The following ZNF316 variants were observed in gnomAD, a reference collection of about 807,000 sequenced individuals.
ZNF316 encodes zinc finger protein 316.
Under a neutral mutation model 75.6 loss-of-function variants are expected in ZNF316, and 23 were observed. The observed-to-expected ratio is 0.30, with a 90% CI of 0.22 to 0.43. The LOEUF is 0.43. Among genes scored for constraint, ZNF316 ranks in the 20% least tolerant of loss-of-function variants. The pLI, the probability that ZNF316 is intolerant of heterozygous loss-of-function variation, is 1.00. For synonymous variants in ZNF316, 827 were observed against 666.2 expected, an observed-to-expected ratio of 1.24 and a Z score of -3.72; for missense variants, 1,266 against 1,409.4, an observed-to-expected ratio of 0.90 and a Z score of 1.63.
Position 6,657,285 on chromosome 7 carries a change from C to T in ZNF316, c.*2674C>T, listed in dbSNP as rs573905728. Among the ~76,000 whole-genome samples, 40 of 144,142 alleles carry T rather than the reference C, an allele frequency of 2.8e-4. No homozygotes were observed. Among genetic ancestry groups the T allele is most frequent in the African/African-American group, 9.6e-4 (37 of 38,408 alleles). 94.6% of individuals were successfully genotyped at this position (144,142 alleles called of 152,430 possible). A position where few individuals can be genotyped will look rare whatever the true frequency, so the allele number is the denominator to read the frequency against. ...CTGGGATTGCAGGTGTGAGTCACCG[C>T]GCCCGGCCAGAGCAACCTAATATTT... is the stretch of plus-strand genomic sequence containing the variant. On this transcript the variant is annotated 3_prime_UTR_variant, in exon 9 of 9. Coordinates refer to ENST00000382252, the MANE Select transcript of ZNF316 (RefSeq NM_001278559.2).
chr7:6,650,840 C>T (rs1779495046), intron 8 of ZNF316, among the ~76,000 whole-genome samples: 1 of 152,196 alleles, frequency 6.6e-6, no homozygotes, highest in African/African-American at 2.4e-5. Context: ...GGTGTCATCC[C>T]TGTGTCCCGT....
At chr7:6,645,356 G>T (rs954336900) in intron 8 of ZNF316, among the ~76,000 whole-genome samples, 1 of 152,146 alleles carries the variant, frequency 6.6e-6, no homozygotes, top group Non-Finnish European at 1.5e-5. Flanking sequence ...AGGGGCAATG[G>T]GTAGATTTGG....
rs1163628327 is a variant in ZNF316, at chr7:6,637,689, C to T, written c.-430-157C>T. Among the ~76,000 whole-genome samples the T allele has an allele frequency of 5.3e-5, 8 of 151,500 alleles. No individual in the cohort carries two copies. In the East Asian group the frequency reaches 1.6e-3, roughly 30 times the overall value. ...GTCCGGGCCTGCGCGTTGCCGACCCCCGGGGCCGGTCCGGGCAGGAGGCGG... is the reference window on the plus strand; with the variant it reads ...GTCCGGGCCTGCGCGTTGCCGACCCTCGGGGCCGGTCCGGGCAGGAGGCGG... On this transcript the variant is annotated intron_variant, in intron 1 of 8. Coordinates refer to ENST00000382252, the MANE Select transcript of ZNF316 (RefSeq NM_001278559.2). The surrounding 1 kb of genome is among the most constrained non-coding windows in gnomAD (Gnocchi z 6.2).
chr7:6,642,250 C>T lies in ZNF316; in HGVS notation c.-28-132C>T, dbSNP rs1779322534. On this transcript the variant is annotated intron_variant, in intron 4 of 8. Coordinates refer to ENST00000382252, the MANE Select transcript of ZNF316 (RefSeq NM_001278559.2). The surrounding 1 kb of genome is among the most constrained non-coding windows in gnomAD (Gnocchi z 8.1). ...GGAAGGCCCGGTCCTCCCTCATCTC[C>T]ATTGCCTTCAACTACATAACAGGAG... is the stretch of plus-strand genomic sequence containing the variant. The T allele has an allele frequency of 4.8e-6, 2 of 413,120 alleles. No homozygotes were observed. Among genetic ancestry groups the T allele is most frequent in the African/African-American group, 2.0e-5 (1 of 48,848 alleles). 25.6% of individuals were successfully genotyped at this position (413,120 alleles called of 1,614,324 possible).
rs999206353 is a variant in ZNF316 at position 6,642,396 on chromosome 7, C to T, written c.-14C>T. 6 of 1,231,756 alleles carry T rather than the reference C, an allele frequency of 4.9e-6. No homozygotes were observed. Among genetic ancestry groups the T allele is most frequent in the East Asian group, 6.3e-5 (2 of 31,698 alleles). The allele number at this position is 1,231,756 out of a possible 1,614,324, so 76.3% of individuals were successfully genotyped here. A position where few individuals can be genotyped will look rare whatever the true frequency, so the allele number is the denominator to read the frequency against. On this transcript the variant is annotated 5_prime_UTR_variant, in exon 5 of 9. Transcript: ENST00000382252. This position sits in a 1 kb window ranked among gnomAD's most constrained non-coding sequence, Gnocchi z 8.1. ...CTGCATTTCAGGCCACGTGGAGGCT[C>T]GCTCCCAGGGAGGATGGCGGCGCTC...
Position 6,654,626 on chromosome 7 carries a change from ACAGCAGCGCAGCCTGCAGGGCCAC to A in ZNF316, c.*17_*40del, listed in dbSNP as rs1779584624. On this transcript the variant is annotated 3_prime_UTR_variant, in exon 9 of 9. Coordinates refer to ENST00000382252, the MANE Select transcript of ZNF316 (RefSeq NM_001278559.2). ...GCGTCCTGTGAGGGGCCCGGGGCCG[ACAGCAGCGCAGCCTGCAGGGCCAC>A]CGGCCCCTCCCTTGGACGGCCGGCC... 1 of 1,183,384 alleles carries A rather than the reference ACAGCAGCGCAGCCTGCAGGGCCAC, an allele frequency of 8.5e-7. No individual in the cohort carries two copies. Among genetic ancestry groups the A allele is most frequent in the East Asian group, 3.7e-5 (1 of 26,858 alleles). 73.3% of individuals were successfully genotyped at this position (1,183,384 alleles called of 1,614,324 possible).
At chr7:6,645,242 G>A (rs1217530727) in intron 8 of ZNF316, among the ~76,000 whole-genome samples, 4 of 152,194 alleles carry the variant, frequency 2.6e-5, no homozygotes, top group South Asian at 2.1e-4. Context: ...TGTCAGTTGC[G>A]TGGAGGTCCT....
At position 6,657,934 on chromosome 7, in the gene ZNF316, C is replaced by T. The variant is rs530678219; in HGVS notation, c.*3323C>T. On this transcript the variant is annotated 3_prime_UTR_variant, in exon 9 of 9. Transcript: ENST00000382252. ...AAGTTTATAGGGAGAAAAATACCCTCCCCCATCCAATGGTCATAGGAAAAA... is the reference window on the plus strand; with the variant it reads ...AAGTTTATAGGGAGAAAAATACCCTTCCCCATCCAATGGTCATAGGAAAAA... Among the ~76,000 whole-genome samples the T allele has an allele frequency of 1.4e-4, 22 of 151,908 alleles. No individual in the cohort carries two copies. Among genetic ancestry groups the T allele is most frequent in the Non-Finnish European group, 2.8e-4 (19 of 67,964 alleles).
intron 6 of ZNF316, 30 bp from the exon 7 acceptor site, chr7:6,643,792 A>G (rs1262416851): frequency 1.6e-6 from 2 of 1,233,120 alleles, no homozygotes; most frequent in African/African-American, 3.1e-5. Flanking sequence ...GGGCTCCCTC[A>G]GCCTCTCACC....
chr7:6,654,906 A>G lies in ZNF316; in HGVS notation c.*295A>G. 4.6e-6 allele frequency: 1 copy of G among 218,514 alleles called. No homozygotes were observed. The highest frequency in any genetic ancestry group is 9.0e-6 in the Non-Finnish European group (1 of 110,660). The allele number at this position is 218,514 out of a possible 1,614,324, so 13.5% of individuals were successfully genotyped here. On this transcript the variant is annotated 3_prime_UTR_variant, in exon 9 of 9. Transcript: ENST00000382252. Reference sequence around the variant, plus strand: ...GGCCCGGGCTGTGAAGCAGGGCGGTAGTTGGCGGGCGATGCTATTTATTTC... The same window carrying G: ...GGCCCGGGCTGTGAAGCAGGGCGGTGGTTGGCGGGCGATGCTATTTATTTC...
chr7:6,647,565 C>T (rs775974917), intron 8 of ZNF316, among the ~76,000 whole-genome samples: 4 of 152,218 alleles, frequency 2.6e-5, no homozygotes, highest in East Asian at 1.9e-4. Flanking sequence ...TGGCTTCACT[C>T]GGAACTGACT....
rs561746091 is a variant in ZNF316 at position 6,656,064 on chromosome 7, G to C, written c.*1453G>C. ...CCTTGGGGGCTGAGCGCAGCAGCCA[G>C]GCTGCCAGGGCTGGGGGCGGGTAGG... On this transcript the variant is annotated 3_prime_UTR_variant, in exon 9 of 9. Coordinates refer to ENST00000382252, the MANE Select transcript of ZNF316 (RefSeq NM_001278559.2). 1 of 152,556 alleles carries C rather than the reference G, an allele frequency of 6.6e-6. No individual in the cohort carries two copies. The highest frequency in any genetic ancestry group is 1.9e-4 in the East Asian group (1 of 5,178). The allele number at this position is 152,556 out of a possible 1,614,324, so 9.5% of individuals were successfully genotyped here. A position where few individuals can be genotyped will look rare whatever the true frequency, so the allele number is the denominator to read the frequency against.
chr7:6,657,546 T>C lies in ZNF316; in HGVS notation c.*2935T>C, dbSNP rs1779648496. On this transcript the variant is annotated 3_prime_UTR_variant, in exon 9 of 9. Transcript: ENST00000382252. The stretch of plus-strand genomic sequence containing the variant: ...TTACAGTCTATTCAGAAAAGTTAAA[T>C]GAGGCTGGGTGCGATGGCTCATGCC... 6.6e-6 allele frequency among the ~76,000 whole-genome samples: 1 copy of C among 151,850 alleles called. No homozygotes were observed. Among genetic ancestry groups the C allele is most frequent in the South Asian group, 2.1e-4 (1 of 4,818 alleles).
intron 8 of ZNF316, among the ~76,000 whole-genome samples, chr7:6,646,113 G>A (rs967747705): frequency 6.6e-6 from 1 of 151,832 alleles, no homozygotes; most frequent in Non-Finnish European, 1.5e-5. Context: ...CCCTTGACAC[G>A]ACACGTGCGG....
In ZNF316 at chr7:6,654,138, C is replaced by A. The variant is rs2115321613; in HGVS notation, c.2542C>A (p.Arg848=). 4 of 1,220,196 alleles carry A rather than the reference C, an allele frequency of 3.3e-6. No homozygotes were observed. The highest frequency in any genetic ancestry group is 3.8e-5 in the South Asian group (1 of 26,294). The allele number at this position is 1,220,196 out of a possible 1,614,324, so 75.6% of individuals were successfully genotyped here. The change falls in exon 9 of 9, where the codon CGG becomes AGG. Residue 848 remains arginine (R), a synonymous_variant. Coordinates refer to ENST00000382252, the MANE Select transcript of ZNF316 (RefSeq NM_001278559.2). The part of the protein sequence containing the change: ...KGFGHSSDFK[R]HRRTHTGEKP... ...CTTCGGCCACAGCTCGGACTTCAAG[C>A]GGCATCGGCGCACGCACACGGGCGA...
rs1259295761 is a variant in ZNF316 at position 6,657,118 on chromosome 7, C to T, written c.*2507C>T. 2.0e-5 allele frequency among the ~76,000 whole-genome samples: 3 copies of T among 151,870 alleles called. No homozygotes were observed. Among genetic ancestry groups the T allele is most frequent in the African/African-American group, 4.8e-5 (2 of 41,328 alleles). ...AAGCGATTCTCCTGCCTCAGACTGC[C>T]GAGTAGCTGGGATTACAGGCATGTG... is the stretch of plus-strand genomic sequence containing the variant. On this transcript the variant is annotated 3_prime_UTR_variant, in exon 9 of 9. Coordinates refer to ENST00000382252, the MANE Select transcript of ZNF316 (RefSeq NM_001278559.2).
At chr7:6,644,863 A>G (rs1779371908) in intron 8 of ZNF316, among the ~76,000 whole-genome samples, 1 of 152,188 alleles carries the variant, frequency 6.6e-6, no homozygotes, top group Non-Finnish European at 1.5e-5. Context: ...GTGAGGGGCC[A>G]GCTGTCAGGT....
intron 3 of ZNF316, among the ~76,000 whole-genome samples, chr7:6,641,573 C>T (rs1490479842): frequency 1.3e-5 from 2 of 152,220 alleles, no homozygotes; most frequent in South Asian, 4.1e-4. Context: ...GCTGCCTCTC[C>T]CCTGAGCTTC....
In ZNF316 at chr7:6,653,513, G is replaced by A. The variant is rs1779556384; in HGVS notation, c.1917G>A (p.Pro639=). 7 of 1,220,274 alleles carry A rather than the reference G, an allele frequency of 5.7e-6. No homozygotes were observed. The highest frequency in any genetic ancestry group is 6.1e-6 in the Non-Finnish European group (6 of 981,146). 75.6% of individuals were successfully genotyped at this position (1,220,274 alleles called of 1,614,324 possible). ...GRPLPAPLGG[P]LSLVEGTGLA... ...CGCTCCCGGCGCCCCTGGGGGGCCC[G>A]CTCTCCCTGGTGGAGGGTACCGGGC... The change falls in exon 9 of 9, where the codon CCG becomes CCA. Residue 639 remains proline (P), a synonymous_variant. Coordinates refer to ENST00000382252, the MANE Select transcript of ZNF316 (RefSeq NM_001278559.2).
Sources: gnomAD v4.1 joint callset for allele counts (sites outside exome capture counted in the v4.1 genomes callset) on GRCh38, gnomAD v4.1.1 for gene constraint, Gnocchi (gnomAD v3.1) non-coding constraint, MANE v1.5 for transcripts, NCBI Gene and HGNC (gene_info 2026-07-23, HGNC 2026-07-21) for gene names.